The following SPATA16 variants were observed in gnomAD, a reference collection of about 807,000 sequenced individuals.
The protein encoded by SPATA16 is spermatogenesis-associated protein 16.
A neutral mutation model predicts 63.3 loss-of-function variants in SPATA16; 36 were observed. That is an observed-to-expected ratio of 0.57 (90% confidence interval 0.44 to 0.75). SPATA16 has a LOEUF of 0.75. SPATA16 is among the 30% of genes least tolerant of loss of function. The pLI is 0.00. For missense variants in SPATA16, 646 were observed against 679.3 expected (o/e 0.95, Z 0.54); for synonymous variants, 203 against 216.7 (o/e 0.94, Z 0.56).
chr3:172,945,561 G>C (rs1192270357), intron 6 of SPATA16, among the ~76,000 whole-genome samples: 2 of 152,206 alleles, frequency 1.3e-5, no homozygotes, highest in Non-Finnish European at 2.9e-5. Flanking sequence ...GCAGTAGAGA[G>C]AGACTGTGTG....
At chr3:172,943,194 A>T (rs1021757776) in intron 6 of SPATA16, among the ~76,000 whole-genome samples, 15 of 152,242 alleles carry the variant, frequency 9.9e-5, no homozygotes, top group African/African-American at 3.6e-4. Context: ...AAACGTAAGA[A>T]AAAGGATGCA....
rs1427068257 is a variant in SPATA16, at chr3:172,978,132, T to C, written c.849-1080A>G. Among the ~76,000 whole-genome samples, 6 of 149,264 alleles carry C rather than the reference T, an allele frequency of 4.0e-5. No individual in the cohort carries two copies. In the East Asian group the frequency reaches 9.7e-4, roughly 24 times the overall value. ...GGAGGATTATTCAGCTCTCTCTCTCTCTCTCCCTCTCTCTCTCTCTCTCTC... is the reference window on the plus strand; with the variant it reads ...GGAGGATTATTCAGCTCTCTCTCTCCCTCTCCCTCTCTCTCTCTCTCTCTC... On this transcript the variant is annotated intron_variant, in intron 4 of 10. Coordinates refer to ENST00000351008, the MANE Select transcript of SPATA16 (RefSeq NM_031955.6).
chr3:172,931,421 A>G (rs1732870155), intron 6 of SPATA16, among the ~76,000 whole-genome samples: 1 of 151,354 alleles, frequency 6.6e-6, no homozygotes, highest in Non-Finnish European at 1.5e-5. Context: ...ATTTTTGTTT[A>G]ATTTTTAGTA....
chr3:173,115,365 C>A (rs1202794925), intron 2 of SPATA16, among the ~76,000 whole-genome samples: 2 of 152,182 alleles, frequency 1.3e-5, no homozygotes, highest in East Asian at 1.9e-4. Flanking sequence ...ACCCTCCCTG[C>A]ACCAGGAAAA....
chr3:172,934,431 ATG>A (rs1446147956), intron 6 of SPATA16, among the ~76,000 whole-genome samples: 10 of 152,162 alleles, frequency 6.6e-5, no homozygotes, highest in African/African-American at 2.4e-4. Flanking sequence ...AATATACAAA[ATG>A]TATTTTATAA....
intron 2 of SPATA16, among the ~76,000 whole-genome samples, chr3:173,056,216 G>A (rs1223571518): frequency 6.6e-6 from 1 of 152,186 alleles, no homozygotes; most frequent in Non-Finnish European, 1.5e-5. Flanking sequence ...ATAAAATGAG[G>A]ATTGTGTTTA....
intron 10 of SPATA16, 70 bp downstream of exon 10, chr3:172,913,591 A>C (rs1732417310): frequency 6.7e-7 from 1 of 1,482,600 alleles, no homozygotes; most frequent in Admixed American, 1.7e-5. Flanking sequence ...TATCCTCCAA[A>C]CAGATTTGAC....
At chr3:172,896,861 T>C (rs1732020418) in intron 10 of SPATA16, among the ~76,000 whole-genome samples, 1 of 152,046 alleles carries the variant, frequency 6.6e-6, no homozygotes, top group African/African-American at 2.4e-5. Context: ...GGATGTAGGG[T>C]TTGCAAGTAT....
At chr3:173,068,239 G>T (rs2108305063) in intron 2 of SPATA16, among the ~76,000 whole-genome samples, 1 of 152,286 alleles carries the variant, frequency 6.6e-6, no homozygotes, top group South Asian at 2.1e-4. Context: ...CATATCTTTA[G>T]TAGGAAGACT....
intron 3 of SPATA16, among the ~76,000 whole-genome samples, chr3:173,043,801 A>C (rs1035858280): frequency 6.6e-6 from 1 of 151,958 alleles, no homozygotes; most frequent in Non-Finnish European, 1.5e-5. Flanking sequence ...TATTATTCTC[A>C]AAGTGCAGAT....
intron 10 of SPATA16, among the ~76,000 whole-genome samples, chr3:172,910,305 G>C (rs1732341151): frequency 6.6e-6 from 1 of 152,058 alleles, no homozygotes; most frequent in East Asian, 1.9e-4. Flanking sequence ...TGTTGGCCAG[G>C]CTGGTCTTAA....
At chr3:172,890,127 T>G (rs780512000) in intron 10 of SPATA16, among the ~76,000 whole-genome samples, 5 of 152,312 alleles carry the variant, frequency 3.3e-5, no homozygotes, top group Non-Finnish European at 5.9e-5. Flanking sequence ...AGCATTTAGA[T>G]GCTCCTAACC....
In SPATA16 at chr3:173,033,326, G is replaced by A. The variant is rs116221509; in HGVS notation, c.759-13751C>T. ...ATTTCTTCATCTACATTGTAATCCC[G>A]AGTCTGTCTGGTAAAAGCTGTTAGT... On this transcript the variant is annotated intron_variant, in intron 3 of 10. Coordinates refer to ENST00000351008, the MANE Select transcript of SPATA16 (RefSeq NM_031955.6). Among the ~76,000 whole-genome samples the A allele has an allele frequency of 6.5e-3, 988 of 152,118 alleles. 9 individuals are homozygous for A. Among genetic ancestry groups the A allele is most frequent in the African/African-American group, 0.023 (949 of 41,506 alleles).
chr3:172,904,169 G>T (rs1732186623), intron 10 of SPATA16, among the ~76,000 whole-genome samples: 1 of 152,176 alleles, frequency 6.6e-6, no homozygotes. Context: ...TCATTTAAAT[G>T]TGATAATGTA....
chr3:173,101,316 T>C (rs1290709270), intron 2 of SPATA16, among the ~76,000 whole-genome samples: 1 of 152,148 alleles, frequency 6.6e-6, no homozygotes, highest in Non-Finnish European at 1.5e-5. Flanking sequence ...CTCCTCTCAC[T>C]GCTGCTCACT....
At chr3:172,909,233 C>T (rs991819510) in intron 10 of SPATA16, among the ~76,000 whole-genome samples, 3 of 152,154 alleles carry the variant, frequency 2.0e-5, no homozygotes, top group African/African-American at 7.2e-5. Context: ...TCCTGCTACT[C>T]TACATTGTTA....
chr3:173,088,022 CTTTCTTTCTTTCTTTCT>C (rs1737109440), intron 2 of SPATA16, among the ~76,000 whole-genome samples: 1 of 108,958 alleles, frequency 9.2e-6, no homozygotes, highest in East Asian at 3.4e-4. Context: ...TTCTTTCTTT[CTTTCTTTCTTTCTTTCT>C]TTCTTTCTTT....
intron 2 of SPATA16, among the ~76,000 whole-genome samples, chr3:173,052,454 C>A (rs1032476225): frequency 6.6e-6 from 1 of 152,106 alleles, no homozygotes; most frequent in Admixed American, 6.6e-5. Flanking sequence ...CTTGCTTTAC[C>A]AATCGAGTGT....
At chr3:173,047,285 T>A (rs1351470060) in intron 3 of SPATA16, among the ~76,000 whole-genome samples, 1 of 151,842 alleles carries the variant, frequency 6.6e-6, no homozygotes, top group Non-Finnish European at 1.5e-5. Context: ...CATTTTGACA[T>A]GACCATGCCA....
Sources: allele counts gnomAD v4.1 joint callset (sites outside exome capture counted in the v4.1 genomes callset), GRCh38; gene constraint gnomAD v4.1.1; transcripts MANE v1.5; gene names NCBI Gene and HGNC (gene_info 2026-07-23, HGNC 2026-07-21).